The following BMX variants were observed in gnomAD, a reference collection of about 807,000 sequenced individuals.
BMX encodes the protein cytoplasmic tyrosine-protein kinase BMX.
A neutral mutation model predicts 59.2 loss-of-function variants in BMX; 31 were observed. That is an observed-to-expected ratio of 0.52 (90% CI 0.39 to 0.71). BMX has a LOEUF of 0.71. BMX is among the 30% of genes least tolerant of loss of function. The pLI is 0.00. For missense variants in BMX, 474 were observed against 491.7 expected (o/e 0.96, Z 0.34); for synonymous variants, 185 against 181.0 (o/e 1.02, Z -0.18).
At chrX:15,509,102 T>C (rs1923847523) in intron 2 of BMX, among the ~76,000 whole-genome samples, 1 of 111,761 alleles carries the variant, frequency 8.9e-6, no homozygotes, top group Non-Finnish European at 1.9e-5. Flanking sequence ...CATTTCAAGA[T>C]AATCAAACAA....
At chrX:15,522,292 G>A (rs1021641471) in intron 6 of BMX, 54 bp from the exon 7 acceptor site, 17 of 1,168,698 alleles carry the variant, frequency 1.5e-5, no homozygotes, top group East Asian at 6.1e-5. Flanking sequence ...GTCAGTTCCC[G>A]GTACCTGAAT....
intron 11 of BMX, among the ~76,000 whole-genome samples, chrX:15,532,892 C>G (rs987544148): frequency 2.7e-5 from 3 of 112,532 alleles, no homozygotes; most frequent in Admixed American, 1.9e-4. Context: ...TGTTGACTAT[C>G]AAAAGTTTTG....
intron 13 of BMX, 84 bp from the exon 14 acceptor site, chrX:15,537,050 C>A: frequency 1.0e-6 from 1 of 980,332 alleles, no homozygotes; most frequent in Non-Finnish European, 1.4e-6. Flanking sequence ...GTGAAACTCC[C>A]ATTGGAGAAG....
intron 18 of BMX, among the ~76,000 whole-genome samples, chrX:15,555,271 T>C (rs1209405625): frequency 1.0e-5 from 1 of 97,619 alleles, no homozygotes; most frequent in African/African-American, 3.7e-5. Flanking sequence ...TGCAGTGGTA[T>C]GATCTAGGCC....
rs755560266 is a variant in BMX, at chrX:15,549,870, G to A, written c.1826G>A (p.Gly609Glu). Residue 609 changes from glycine (G) to glutamate (E), a missense_variant, in exon 18 of 19, where the codon GGG (glycine) becomes GAG (glutamate). Gly to Glu is a moderately conservative substitution (Grantham distance 98, BLOSUM62 -2). Coordinates refer to ENST00000348343, the MANE Select transcript of BMX (RefSeq NM_203281.3). ...CTGATGTGGGAGGTGTTCAGCCTGGGGAAGCAGCCCTATGACTTGTATGAC... is the reference window on the plus strand; with the variant it reads ...CTGATGTGGGAGGTGTTCAGCCTGGAGAAGCAGCCCTATGACTTGTATGAC... ...GILMWEVFSL[G>E]KQPYDLYDNS... The A allele has an allele frequency of 4.1e-6, 5 of 1,209,172 alleles. No individual in the cohort carries two copies. The highest frequency in any genetic ancestry group is 5.6e-6 in the Non-Finnish European group (5 of 894,134).
intron 14 of BMX, among the ~76,000 whole-genome samples, 177 bp downstream of exon 14, chrX:15,537,482 G>A: frequency 8.9e-6 from 1 of 112,025 alleles, no homozygotes; most frequent in East Asian, 2.8e-4. Flanking sequence ...TCAGTCTTAT[G>A]CTCCTACTTT....
chrX:15,528,349 T>G, intron 9 of BMX, among the ~76,000 whole-genome samples: 1 of 112,113 alleles, frequency 8.9e-6, no homozygotes, highest in Middle Eastern at 4.6e-3. Flanking sequence ...GAGATTTAGA[T>G]AGAAAATCGT....
intron 1 of BMX, among the ~76,000 whole-genome samples, chrX:15,508,034 AAAGT>A (rs1923807319): frequency 8.9e-6 from 1 of 112,061 alleles, no homozygotes; most frequent in Non-Finnish European, 1.9e-5. Flanking sequence ...GAATGTTTAA[AAAGT>A]AAGGAGCATT....
Position 15,532,496 on chromosome X carries a change from C to G in BMX, c.1019+1089C>G, listed in dbSNP as rs567521308. Among the ~76,000 whole-genome samples the G allele has an allele frequency of 3.6e-4, 40 of 111,580 alleles. No homozygotes were observed. The South Asian group carries it at 0.015, about 42-fold the overall frequency. ...GCCAAGTCATGTTTCTTTATCTACACCTCTGTGTTTACACTGAACCCCCAG... is the reference window on the plus strand; with the variant it reads ...GCCAAGTCATGTTTCTTTATCTACAGCTCTGTGTTTACACTGAACCCCCAG... On this transcript the variant is annotated intron_variant, in intron 11 of 18. Transcript: ENST00000348343.
chrX:15,530,333 C>T (rs1472691517), intron 10 of BMX, among the ~76,000 whole-genome samples: 1 of 111,680 alleles, frequency 9.0e-6, no homozygotes, highest in Non-Finnish European at 1.9e-5. Flanking sequence ...TAGGGGCACT[C>T]CTGTGGCTGC....
chrX:15,522,990 CCTT>C (rs1924541148), intron 7 of BMX, among the ~76,000 whole-genome samples: 1 of 112,383 alleles, frequency 8.9e-6, no homozygotes, highest in Non-Finnish European at 1.9e-5. Flanking sequence ...CCATGGCTTG[CCTT>C]CTTGGAATGT....
chrX:15,510,185 GGTA>G (rs1923899425), intron 3 of BMX, among the ~76,000 whole-genome samples: 1 of 111,529 alleles, frequency 9.0e-6, no homozygotes, highest in Non-Finnish European at 1.9e-5. Flanking sequence ...AGTGTATGCT[GGTA>G]GTACCTTTTG....
Position 15,516,674 on chromosome X carries a change from T to TA in BMX, c.445+455dup, listed in dbSNP as rs58918868. 8.0e-4 allele frequency among the ~76,000 whole-genome samples: 82 copies of TA among 102,325 alleles called. 1 individual carries two copies. The highest frequency in any genetic ancestry group is 1.2e-3 in the East Asian group (4 of 3,288). The allele number at this position is 102,325 out of a possible 115,157, so 88.9% of individuals were successfully genotyped here. A position where few individuals can be genotyped will look rare whatever the true frequency, so the allele number is the denominator to read the frequency against. On this transcript the variant is annotated intron_variant, in intron 5 of 18. Coordinates refer to ENST00000348343, the MANE Select transcript of BMX (RefSeq NM_203281.3). ...TCACAAACTGAAAAAACAACATTAT[T>TA]AAAAAAAAAAAAGATATAACTTAAG... is the stretch of plus-strand genomic sequence containing the variant.
rs773960824 is a variant in BMX at position 15,549,906 on chromosome X, T to C, written c.1862T>C (p.Val621Ala). ...TATGACTTGTATGACAACTCCCAGG[T>C]GGTTCTGAAGGTCTCCCAGGGCCAC... ...QPYDLYDNSQ[V>A]VLKVSQGHRL... The change falls in exon 18 of 19, where the codon GTG becomes GCG. Residue 621 changes from valine (V) to alanine (A), a missense_variant. Coordinates refer to ENST00000348343, the MANE Select transcript of BMX (RefSeq NM_203281.3). 42 of 1,208,075 alleles carry C rather than the reference T, an allele frequency of 3.5e-5. No homozygotes were observed. In the South Asian group the frequency reaches 7.3e-4, roughly 21 times the overall value.
In BMX at chrX:15,550,835, G is replaced by A. The variant is rs138079062; in HGVS notation, c.1953+838G>A. On this transcript the variant is annotated intron_variant, in intron 18 of 18. Transcript: ENST00000348343. The stretch of plus-strand genomic sequence containing the variant: ...TTTGCACCAACCTAATACAAGAAGC[G>A]CTCAGAGGAAAGAGAAACCAGCTTC... Among the ~76,000 whole-genome samples, 270 of 111,240 alleles carry A rather than the reference G, an allele frequency of 2.4e-3. 3 individuals are homozygous for A. The Middle Eastern group carries it at 0.037, about 15-fold the overall frequency.
chrX:15,526,981 T>C (rs1924770430), intron 9 of BMX, among the ~76,000 whole-genome samples: 1 of 109,174 alleles, frequency 9.2e-6, no homozygotes, highest in African/African-American at 3.3e-5. Flanking sequence ...AATTATACAT[T>C]TTAAAATAAC....
In BMX at chrX:15,550,470, T is replaced by G. The variant is rs770755576; in HGVS notation, c.1953+473T>G. Among the ~76,000 whole-genome samples, 273 of 110,813 alleles carry G rather than the reference T, an allele frequency of 2.5e-3. 4 individuals carry two copies. The highest frequency in any genetic ancestry group is 4.6e-3 in the Non-Finnish European group (242 of 52,933). ...AACACATAATGGACACTATCCCATCTTCTCTCCCCCTGCCTCCCAAACACT... is the reference window on the plus strand; with the variant it reads ...AACACATAATGGACACTATCCCATCGTCTCTCCCCCTGCCTCCCAAACACT... On this transcript the variant is annotated intron_variant, in intron 18 of 18. Transcript: ENST00000348343.
Position 15,531,366 on chromosome X carries a change from A to T in BMX, c.978A>T (p.Gln326His). Reference sequence around the variant, plus strand: ...CATTTATGGTTAGAAATTCGAGCCAAGTGGGAATGTACACAGTGTCCTTAT... The same window carrying T: ...CATTTATGGTTAGAAATTCGAGCCATGTGGGAATGTACACAGTGTCCTTAT... The part of the protein sequence containing the change: ...EGAFMVRNSS[Q>H]VGMYTVSLFS... Residue 326 changes from glutamine (Q) to histidine (H), a missense_variant, in exon 11 of 19, where the codon CAA (glutamine) becomes CAT (histidine). Physicochemically the swap from Gln to His is conservative, Grantham distance 24 (BLOSUM62 0). Transcript: ENST00000348343. The T allele has an allele frequency of 8.3e-7, 1 of 1,209,729 alleles. No individual in the cohort carries two copies. Among genetic ancestry groups the T allele is most frequent in the South Asian group, 1.8e-5 (1 of 56,814 alleles).
intron 18 of BMX, among the ~76,000 whole-genome samples, chrX:15,551,655 C>T (rs1926205830): frequency 9.0e-6 from 1 of 110,517 alleles, no homozygotes; most frequent in Non-Finnish European, 1.9e-5. Context: ...AGCCTAGAGT[C>T]CCACTTTGGA....
Sources: allele counts gnomAD v4.1 joint callset (sites outside exome capture counted in the v4.1 genomes callset), GRCh38; gene constraint gnomAD v4.1.1; transcripts MANE v1.5; gene names NCBI Gene and HGNC (gene_info 2026-07-23, HGNC 2026-07-21).